The following ADK variants were observed in gnomAD, a reference collection of about 807,000 sequenced individuals.
ADK encodes the protein adenosine kinase, also known as N6,N6-dimethyladenosine kinase.
Under a neutral mutation model 44.7 loss-of-function variants are expected in ADK, and 24 were observed. That is an observed-to-expected ratio of 0.54 (90% CI 0.39 to 0.76). ADK has a LOEUF of 0.76. Ranked by LOEUF, ADK falls within the 30% of genes least tolerant of loss-of-function variation. The pLI is 0.00. For missense variants in ADK, 321 were observed against 425.1 expected, an observed-to-expected ratio of 0.76 and a Z score of 2.15; for synonymous variants, 128 against 142.6, an observed-to-expected ratio of 0.90 and a Z score of 0.73.
intron 4 of ADK, among the ~76,000 whole-genome samples, chr10:74,340,287 T>C (rs1312174530): frequency 6.6e-6 from 1 of 152,134 alleles, no homozygotes; most frequent in Non-Finnish European, 1.5e-5. Flanking sequence ...GTTTATTGTT[T>C]CATTGTGTGT....
At chr10:74,249,854 T>C (rs1267785717) in intron 3 of ADK, among the ~76,000 whole-genome samples, 1 of 152,202 alleles carries the variant, frequency 6.6e-6, no homozygotes, top group Non-Finnish European at 1.5e-5. Context: ...TAACTAATAT[T>C]TGTTAGTTTT....
At chr10:74,327,299 T>C (rs778493773) in intron 4 of ADK, among the ~76,000 whole-genome samples, 2 of 152,224 alleles carry the variant, frequency 1.3e-5, no homozygotes, top group Non-Finnish European at 2.9e-5. Context: ...CATGTATTTG[T>C]AGAGTTTTTG....
rs1470458015 is a variant in ADK, at chr10:74,708,840, T to G, written c.*395T>G. On this transcript the variant is annotated 3_prime_UTR_variant, in exon 11 of 11. Transcript: ENST00000539909. Reference sequence around the variant, plus strand: ...TTTTAATGAATTAATCTTAACATAGTAATCTTTAGCTTTTTATACAAATAT... The same window carrying G: ...TTTTAATGAATTAATCTTAACATAGGAATCTTTAGCTTTTTATACAAATAT... The G allele has an allele frequency of 4.6e-6, 1 of 215,618 alleles. No homozygotes were observed. Among genetic ancestry groups the G allele is most frequent in the Non-Finnish European group, 9.4e-6 (1 of 106,518 alleles). The allele number at this position is 215,618 out of a possible 1,614,324, so 13.4% of individuals were successfully genotyped here. A position where few individuals can be genotyped will look rare whatever the true frequency, so the allele number is the denominator to read the frequency against.
At chr10:74,353,316 C>T (rs1227637663) in intron 4 of ADK, among the ~76,000 whole-genome samples, 1 of 151,992 alleles carries the variant, frequency 6.6e-6, no homozygotes, top group African/African-American at 2.4e-5. Context: ...AACAGAAAAC[C>T]AAACACCACA....
At chr10:74,665,763 GAGAGAGAGAGAGAGAGAGAC>G (rs1854927275) in intron 9 of ADK, among the ~76,000 whole-genome samples, 2 of 150,768 alleles carry the variant, frequency 1.3e-5, no homozygotes, top group African/African-American at 4.9e-5. Flanking sequence ...GAGAGAGAGA[GAGAGAGAGAGAGAGAGAGAC>G]AGACAGACAG....
rs906984985 is a variant in ADK, at chr10:74,456,013, A to G, written c.555+57434A>G. 2.6e-5 allele frequency among the ~76,000 whole-genome samples: 4 copies of G among 152,130 alleles called. No individual in the cohort carries two copies. In the South Asian group the frequency reaches 8.3e-4, roughly 32 times the overall value. ...GTTCTTCTCGATATGTATGCACCCA[A>G]TACAGGAGCACCCAGATTCATAAAG... is the stretch of plus-strand genomic sequence containing the variant. On this transcript the variant is annotated intron_variant, in intron 6 of 10. Coordinates refer to ENST00000539909, the MANE Select transcript of ADK (RefSeq NM_006721.4).
chr10:74,288,456 C>T (rs991426934), intron 3 of ADK, among the ~76,000 whole-genome samples: 81 of 152,206 alleles, frequency 5.3e-4, no homozygotes, highest in Non-Finnish European at 9.0e-4. Flanking sequence ...TCGAGACCAG[C>T]CTGGCCAACA....
At chr10:74,590,430 G>A (rs571508494) in intron 8 of ADK, among the ~76,000 whole-genome samples, 2 of 152,092 alleles carry the variant, frequency 1.3e-5, no homozygotes, top group East Asian at 3.8e-4. Flanking sequence ...TTATCAAGCA[G>A]CAAAGTAATA....
At chr10:74,656,812 A>C (rs757919008) in intron 9 of ADK, among the ~76,000 whole-genome samples, 1 of 152,118 alleles carries the variant, frequency 6.6e-6, no homozygotes, top group Non-Finnish European at 1.5e-5. Context: ...TAAATAATCA[A>C]ATGTTAATTC....
At chr10:74,611,425 A>G (rs916147101) in intron 9 of ADK, among the ~76,000 whole-genome samples, 4 of 152,026 alleles carry the variant, frequency 2.6e-5, no homozygotes, top group African/African-American at 9.7e-5. Flanking sequence ...GATGTTTTCA[A>G]CTGGAAGACT....
At chr10:74,277,417 A>T (rs1846734545) in intron 3 of ADK, among the ~76,000 whole-genome samples, 1 of 294 alleles carries the variant, frequency 3.4e-3, no homozygotes, top group South Asian at 0.071. Flanking sequence ...TTTTTTTGAG[A>T]TGGAGTTCTC....
intron 1 of ADK, among the ~76,000 whole-genome samples, chr10:74,162,521 T>C (rs544989246): frequency 6.3e-5 from 9 of 141,882 alleles, no homozygotes; most frequent in East Asian, 2.1e-4. Flanking sequence ...TGCATTTCTT[T>C]TGTGTGTGTG....
At chr10:74,167,782 G>A (rs1395731234) in intron 1 of ADK, among the ~76,000 whole-genome samples, 1 of 152,146 alleles carries the variant, frequency 6.6e-6, no homozygotes, top group African/African-American at 2.4e-5. Context: ...CTAAGATATT[G>A]TTCCCATTTT....
intron 1 of ADK, among the ~76,000 whole-genome samples, chr10:74,158,966 G>GT (rs2132032801): frequency 6.6e-6 from 1 of 152,320 alleles, no homozygotes; most frequent in Non-Finnish European, 1.5e-5. Flanking sequence ...TTGGAAGGCT[G>GT]TTTTACAAAA....
intron 6 of ADK, among the ~76,000 whole-genome samples, chr10:74,400,441 G>A (rs2132869666): frequency 6.6e-6 from 1 of 152,284 alleles, no homozygotes; most frequent in Middle Eastern, 3.4e-3. Context: ...GAATAACTAA[G>A]AGCATAATTC....
At chr10:74,536,965 A>G (rs1849470582) in intron 7 of ADK, among the ~76,000 whole-genome samples, 1 of 152,178 alleles carries the variant, frequency 6.6e-6, no homozygotes, top group Admixed American at 6.5e-5. Flanking sequence ...ATGTTAATGA[A>G]CAAGTATCTG....
intron 9 of ADK, among the ~76,000 whole-genome samples, chr10:74,625,777 G>C (rs1218236324): frequency 6.6e-6 from 1 of 151,972 alleles, no homozygotes; most frequent in Non-Finnish European, 1.5e-5. Context: ...AGATTGGCTT[G>C]GTTTAAAGAC....
chr10:74,284,322 T>C (rs1211160190), intron 3 of ADK, among the ~76,000 whole-genome samples: 1 of 150,672 alleles, frequency 6.6e-6, no homozygotes, highest in Non-Finnish European at 1.5e-5. Flanking sequence ...GGCTGTGCAA[T>C]GGCACGATCT....
intron 1 of ADK, among the ~76,000 whole-genome samples, chr10:74,165,015 T>C (rs915595891): frequency 3.3e-5 from 5 of 152,182 alleles, no homozygotes; most frequent in African/African-American, 1.2e-4. Flanking sequence ...TTCCGAAGAC[T>C]GCTTGGGAAT....
Sources: allele counts gnomAD v4.1 joint callset (sites outside exome capture counted in the v4.1 genomes callset), GRCh38; gene constraint gnomAD v4.1.1; transcripts MANE v1.5; gene names NCBI Gene and HGNC (gene_info 2026-07-23, HGNC 2026-07-21).